AUNIP: variants seen among roughly 807,000 people sequenced by gnomAD.
AUNIP encodes aurora kinase A and ninein interacting protein.
AUNIP carries 16 observed loss-of-function variants against 12.2 expected under a neutral mutation model. The observed-to-expected ratio is 1.31, with a 90% CI of 0.88 to 1.99. The LOEUF (loss-of-function observed/expected upper bound fraction) is 1.99, where lower values mean the gene tolerates loss of function less well. Among genes scored for constraint, AUNIP ranks in the 30% most tolerant of loss-of-function variants. The probability of loss-of-function intolerance (pLI) is 0.00; values close to 1 mark genes in which losing one functional copy is unlikely to be tolerated. For missense variants in AUNIP, 411 were observed against 419.1 expected (o/e 0.98, Z 0.17); for synonymous variants, 142 against 154.8 (o/e 0.92, Z 0.61).
chr1:25,850,297 G>C (rs1306196094), intron 1 of AUNIP, among the ~76,000 whole-genome samples: 1 of 152,064 alleles, frequency 6.6e-6, no homozygotes, highest in East Asian at 1.9e-4. Context: ...TCTATAATGT[G>C]TCTACCTTTA....
At chr1:25,848,060 C>T (rs2048396734) in intron 1 of AUNIP, among the ~76,000 whole-genome samples, 1 of 152,154 alleles carries the variant, frequency 6.6e-6, no homozygotes, top group Non-Finnish European at 1.5e-5. Flanking sequence ...ATTCCTCTAG[C>T]CTACCTGTCA....
At chr1:25,836,612 A>G (rs1436901040) in intron 2 of AUNIP, among the ~76,000 whole-genome samples, 1 of 152,250 alleles carries the variant, frequency 6.6e-6, no homozygotes, top group Non-Finnish European at 1.5e-5. Flanking sequence ...TCCTTCTACA[A>G]TAAGAATTAT....
chr1:25,850,166 T>C (rs2048416184), intron 1 of AUNIP, among the ~76,000 whole-genome samples: 2 of 152,114 alleles, frequency 1.3e-5, no homozygotes, highest in South Asian at 4.1e-4. Context: ...CTGGGTGTGA[T>C]CATAGCACTC....
chr1:25,857,546 G>T (rs186556226), intron 1 of AUNIP, among the ~76,000 whole-genome samples: 1 of 149,520 alleles, frequency 6.7e-6, no homozygotes, highest in African/African-American at 2.4e-5. Context: ...ACCGCACCCG[G>T]CCATTTTGAT....
rs183977848 is a variant in AUNIP, at chr1:25,854,291, C to A, written c.78+4989G>T. On this transcript the variant is annotated intron_variant, in intron 1 of 2. Transcript: ENST00000374298. ...ACATAAAGGCAGGAGAATGAAGCTCCACCTCTTGAAGGGAAGAGTGTGGAC... is the reference window on the plus strand; with the variant it reads ...ACATAAAGGCAGGAGAATGAAGCTCAACCTCTTGAAGGGAAGAGTGTGGAC... Among the ~76,000 whole-genome samples the A allele has an allele frequency of 1.5e-3, 233 of 152,252 alleles. 3 individuals carry two copies. The highest frequency in any genetic ancestry group is 1.2e-3 in the Non-Finnish European group (81 of 68,026).
At position 25,834,135 on chromosome 1, in the gene AUNIP, A is replaced by C. The variant is rs529144294; in HGVS notation, c.*858T>G. 1 of 985,142 alleles carries C rather than the reference A, an allele frequency of 1.0e-6. No homozygotes were observed. The highest frequency in any genetic ancestry group is 1.2e-6 in the Non-Finnish European group (1 of 829,656). The allele number at this position is 985,142 out of a possible 1,614,324, so 61.0% of individuals were successfully genotyped here. A position where few individuals can be genotyped will look rare whatever the true frequency, so the allele number is the denominator to read the frequency against. ...GGCTTTTTAAGGGAGATATTTAAAC[A>C]TAGAGTATATAACTTTAAAGTGCTG... On this transcript the variant is annotated 3_prime_UTR_variant, in exon 3 of 3. Transcript: ENST00000374298.
chr1:25,833,972 T>TGGTAATGG, downstream of AUNIP: 7 of 943,470 alleles, frequency 7.4e-6, no homozygotes, highest in Non-Finnish European at 7.6e-6. Flanking sequence ...AAAATAAAAT[T>TGGTAATGG]GGTAATGGTT....
intron 1 of AUNIP, among the ~76,000 whole-genome samples, chr1:25,849,231 T>C (rs192118565): frequency 2.0e-5 from 3 of 152,352 alleles, no homozygotes; most frequent in Non-Finnish European, 1.5e-5. Context: ...ACAAAGCGTC[T>C]TTCTTTTCAT....
intron 1 of AUNIP, among the ~76,000 whole-genome samples, chr1:25,840,793 TA>T (rs2048342701): frequency 6.6e-6 from 1 of 152,178 alleles, no homozygotes; most frequent in Non-Finnish European, 1.5e-5. Context: ...CATGGCTCTC[TA>T]AATTTTATAG....
chr1:25,853,271 T>C (rs1274972128), intron 1 of AUNIP, among the ~76,000 whole-genome samples: 6 of 152,234 alleles, frequency 3.9e-5, no homozygotes, highest in Non-Finnish European at 8.8e-5. Flanking sequence ...TATTGCTTTG[T>C]AACGAATTAC....
intron 1 of AUNIP, among the ~76,000 whole-genome samples, chr1:25,840,462 G>A (rs1408251832): frequency 2.6e-5 from 4 of 152,120 alleles, no homozygotes; most frequent in African/African-American, 7.2e-5. Context: ...GGGCCAAAAA[G>A]TTTTCCAAAT....
chr1:25,834,219 C>T lies in AUNIP; in HGVS notation c.*774G>A, dbSNP rs1015887427. ...CACCATTCTACCTCTCTTCTCTCCA[C>T]ACCTGGGTTGTGGGGAGATTTGCTA... On this transcript the variant is annotated 3_prime_UTR_variant, in exon 3 of 3. Transcript: ENST00000374298. 9.1e-6 allele frequency: 9 copies of T among 985,350 alleles called. No individual in the cohort carries two copies. The highest frequency in any genetic ancestry group is 9.6e-6 in the Non-Finnish European group (8 of 829,906). 61.0% of individuals were successfully genotyped at this position (985,350 alleles called of 1,614,324 possible).
chr1:25,832,078 G>T (rs1261253464), downstream of AUNIP: 2 of 1,613,468 alleles, frequency 1.2e-6, no homozygotes, highest in Non-Finnish European at 1.7e-6. Flanking sequence ...ACCTTCAATA[G>T]CTGCCTTCCT....
At chr1:25,857,122 T>C (rs1257391334) in intron 1 of AUNIP, among the ~76,000 whole-genome samples, 1 of 152,028 alleles carries the variant, frequency 6.6e-6, no homozygotes, top group Non-Finnish European at 1.5e-5. Context: ...GTCTCCAAAA[T>C]TAACTAACAA....
At position 25,834,280 on chromosome 1, in the gene AUNIP, A is replaced by G. The variant is rs1485872042; in HGVS notation, c.*713T>C. ...AAAAAGGGTCAAGAGTAATCATCCC[A>G]AGCTTAGGCTGATGTGGGTTAAGAT... On this transcript the variant is annotated 3_prime_UTR_variant, in exon 3 of 3. Transcript: ENST00000374298. 3 of 985,392 alleles carry G rather than the reference A, an allele frequency of 3.0e-6. No individual in the cohort carries two copies. Among genetic ancestry groups the G allele is most frequent in the Non-Finnish European group, 3.6e-6 (3 of 829,916 alleles). 61.0% of individuals were successfully genotyped at this position (985,392 alleles called of 1,614,324 possible).
chr1:25,844,905 C>T (rs978386993), intron 1 of AUNIP, among the ~76,000 whole-genome samples: 2 of 152,206 alleles, frequency 1.3e-5, no homozygotes, highest in Non-Finnish European at 2.9e-5. Flanking sequence ...CTAGTCAGCA[C>T]TGTCATGCCT....
chr1:25,851,426 G>A (rs938661667), intron 1 of AUNIP, among the ~76,000 whole-genome samples: 1 of 152,016 alleles, frequency 6.6e-6, no homozygotes, highest in African/African-American at 2.4e-5. Context: ...CTATTTTTTT[G>A]AGAGAGTCTG....
chr1:25,858,936 C>G (rs2048484524), intron 1 of AUNIP, among the ~76,000 whole-genome samples: 1 of 152,184 alleles, frequency 6.6e-6, no homozygotes, highest in African/African-American at 2.4e-5. Context: ...TAGGACGTCT[C>G]GCAGGGACTG....
At chr1:25,838,758 GA>G (rs2048323339) in intron 1 of AUNIP, among the ~76,000 whole-genome samples, 2 of 152,172 alleles carry the variant, frequency 1.3e-5, no homozygotes, top group South Asian at 4.1e-4. Flanking sequence ...TATTTAATGT[GA>G]TTTGTTTTTA....
Sources: allele counts gnomAD v4.1 joint callset (sites outside exome capture counted in the v4.1 genomes callset), GRCh38; gene constraint gnomAD v4.1.1; transcripts MANE v1.5; gene names NCBI Gene and HGNC (gene_info 2026-07-23, HGNC 2026-07-21).